Variants in ZNF844 observed in about 807,000 individuals in gnomAD.
The protein encoded by ZNF844 is zinc finger protein 844.
A neutral mutation model predicts 11.4 loss-of-function variants in ZNF844; 11 were observed. The observed-to-expected ratio is 0.97, with a 90% CI of 0.61 to 1.60. ZNF844 has a LOEUF of 1.60. Among genes scored for constraint, ZNF844 ranks in the 40% most tolerant of loss-of-function variants. The pLI is 0.00. For synonymous variants in ZNF844, 248 were observed against 260.3 expected (o/e 0.95, Z 0.46); for missense variants, 790 against 796.8 (o/e 0.99, Z 0.10).
chr19:12,074,241 A>G, intron 2 of ZNF844, 84 bp downstream of exon 2: 2 of 1,577,910 alleles, frequency 1.3e-6, no homozygotes, highest in Non-Finnish European at 1.7e-6. Context: ...TGGAATATGG[A>G]CAGGCAATAC....
chr19:12,071,696 G>GT (rs562646552), intron 1 of ZNF844, among the ~76,000 whole-genome samples: 32,879 of 136,012 alleles, frequency 0.24, 5,211 homozygotes, highest in African/African-American at 0.48. Context: ...AATCAATTAG[G>GT]TTTTTTTTTT....
At chr19:12,068,143 A>T (rs1035855354) in intron 1 of ZNF844, among the ~76,000 whole-genome samples, 1 of 151,834 alleles carries the variant, frequency 6.6e-6, no homozygotes, top group African/African-American at 2.4e-5. Flanking sequence ...ACCTCATCTT[A>T]ACAAACTGCT....
Position 12,077,996 on chromosome 19 carries a change from T to C in ZNF844, c.*875T>C. 1 of 170,594 alleles carries C rather than the reference T, an allele frequency of 5.9e-6. No homozygotes were observed. The highest frequency in any genetic ancestry group is 1.2e-5 in the Non-Finnish European group (1 of 80,128). The allele number at this position is 170,594 out of a possible 1,614,324, so 10.6% of individuals were successfully genotyped here. A position where few individuals can be genotyped will look rare whatever the true frequency, so the allele number is the denominator to read the frequency against. On this transcript the variant is annotated 3_prime_UTR_variant, in exon 4 of 4. Coordinates refer to ENST00000439326, the MANE Select transcript of ZNF844 (RefSeq NM_001136501.3). Reference sequence around the variant, plus strand: ...GGTGCCTGCCACCACACCCGGCTGATTTTTTGTATTTTTTAGTAGAGACGG... The same window carrying C: ...GGTGCCTGCCACCACACCCGGCTGACTTTTTGTATTTTTTAGTAGAGACGG...
At position 12,075,894 on chromosome 19, in the gene ZNF844, TG is replaced by T. The variant is rs768358336; in HGVS notation, c.777del (p.Ala261HisfsTer69). ...AGAAGCCTTATGAATGTAAGGAATG[TG>T]GGAAAGCATTCGGTAGTCCCAATTC... ...GEKPYECKEC[G>X]KAFGSPNSLY... On this transcript the variant is annotated frameshift_variant, in exon 4 of 4. Coordinates refer to ENST00000439326, the MANE Select transcript of ZNF844 (RefSeq NM_001136501.3). LOFTEE classifies it low-confidence loss of function (END_TRUNC). 3.9e-5 allele frequency: 63 copies of T among 1,609,152 alleles called. No homozygotes were observed. Among genetic ancestry groups the T allele is most frequent in the Non-Finnish European group, 5.1e-5 (60 of 1,177,344 alleles).
In ZNF844 at chr19:12,077,386, G is replaced by GT. The variant is rs1228479070; in HGVS notation, c.*266dup. The GT allele has an allele frequency of 5.3e-6, 4 of 750,728 alleles. No homozygotes were observed. The highest frequency in any genetic ancestry group is 9.5e-6 in the Non-Finnish European group (4 of 419,664). 46.5% of individuals were successfully genotyped at this position (750,728 alleles called of 1,614,324 possible). Reference sequence around the variant, plus strand: ...CACACTGGAGAGAAACAGTATGAGTGTAAGCAGTGTGGTAAAGCCTTCATG... The same window carrying GT: ...CACACTGGAGAGAAACAGTATGAGTGTTAAGCAGTGTGGTAAAGCCTTCATG... On this transcript the variant is annotated 3_prime_UTR_variant, in exon 4 of 4. Transcript: ENST00000439326.
At position 12,079,988 on chromosome 19, in the gene ZNF844, C is replaced by T. The variant is rs1431159410; in HGVS notation, c.*2867C>T. 6.5e-6 allele frequency: 1 copy of T among 153,076 alleles called. No homozygotes were observed. Among genetic ancestry groups the T allele is most frequent in the African/African-American group, 2.4e-5 (1 of 41,270 alleles). The allele number at this position is 153,076 out of a possible 1,614,324, so 9.5% of individuals were successfully genotyped here. The stretch of plus-strand genomic sequence containing the variant: ...AAAATTGAGGAAGCATTCAGTTGTC[C>T]CACTTCCTTTCAAACAGGAAGAGAC... On this transcript the variant is annotated 3_prime_UTR_variant, in exon 4 of 4. Transcript: ENST00000439326.
At chr19:12,071,115 T>C (rs1158429955) in intron 1 of ZNF844, among the ~76,000 whole-genome samples, 1 of 152,148 alleles carries the variant, frequency 6.6e-6, no homozygotes, top group Non-Finnish European at 1.5e-5. Flanking sequence ...GGGCTGATGA[T>C]AAATCCTTAA....
rs757792392 is a variant in ZNF844, at chr19:12,077,114, TG to T, written c.1996del (p.Glu666SerfsTer5). ...VPFVDIKGLT[L>X]E ...TTCGTAGACATAAAAGGGCTCACACTGGAGTGAAACCGTATGAATGCAAGGA... is the reference window on the plus strand; with the variant it reads ...TTCGTAGACATAAAAGGGCTCACACTGAGTGAAACCGTATGAATGCAAGGA... On this transcript the variant is annotated frameshift_variant, in exon 4 of 4. Transcript: ENST00000439326. LOFTEE classifies it high-confidence loss of function. 1.4e-5 allele frequency: 23 copies of T among 1,599,076 alleles called. No homozygotes were observed. The East Asian group carries it at 3.8e-4, about 27-fold the overall frequency.
In ZNF844 at chr19:12,076,071, A is replaced by G; in HGVS notation, c.951A>G (p.Ala317=). ...ATGAATGTACCAAATGTGGGAAAGC[A>G]TTCAAGTGTCCCAGTTATCTTTGTA... is the stretch of plus-strand genomic sequence containing the variant. ...KAYECTKCGK[A]FKCPSYLCRH... The change falls in exon 4 of 4, where the codon GCA becomes GCG. Residue 317 remains alanine, a synonymous_variant. Transcript: ENST00000439326. The G allele has an allele frequency of 6.4e-7, 1 of 1,563,478 alleles. No homozygotes were observed.
At chr19:12,067,151 G>A (rs1341803323) in intron 1 of ZNF844, among the ~76,000 whole-genome samples, 1 of 152,058 alleles carries the variant, frequency 6.6e-6, no homozygotes, top group East Asian at 1.9e-4. Context: ...AGTGAGCTGA[G>A]ATCGCGCCAC....
At position 12,075,039 on chromosome 19, in the gene ZNF844, C is replaced by G. The variant is rs1292820971; in HGVS notation, c.192-273C>G. Among the ~76,000 whole-genome samples the G allele has an allele frequency of 2.0e-5, 3 of 152,046 alleles. 1 individual carries two copies. The highest frequency in any genetic ancestry group is 4.1e-4 in the South Asian group (2 of 4,824). ...AGACAGGGTAGAAAGCCTACACTTTCCTGGATAATGTTGAAAGTGCAAGTT... is the reference window on the plus strand; with the variant it reads ...AGACAGGGTAGAAAGCCTACACTTTGCTGGATAATGTTGAAAGTGCAAGTT... On this transcript the variant is annotated intron_variant, in intron 3 of 3. Transcript: ENST00000439326.
chr19:12,069,784 G>A (rs1488256369), intron 1 of ZNF844, among the ~76,000 whole-genome samples: 8 of 151,312 alleles, frequency 5.3e-5, no homozygotes, highest in Admixed American at 1.3e-4. Context: ...GTGAAACCCC[G>A]TCTCTACTAA....
At chr19:12,075,201 A>G in intron 3 of ZNF844, 111 bp from the exon 4 acceptor site, 2 of 785,420 alleles carry the variant, frequency 2.5e-6, no homozygotes, top group Non-Finnish European at 3.3e-6. Flanking sequence ...CTTAAAGTAT[A>G]TTAATAATAA....
intron 1 of ZNF844, among the ~76,000 whole-genome samples, chr19:12,069,053 C>A (rs1399610115): frequency 1.3e-5 from 2 of 152,178 alleles, no homozygotes; most frequent in Admixed American, 6.6e-5. Flanking sequence ...TGAGGATCCA[C>A]AGGCAGATGC....
In ZNF844 at chr19:12,077,868, A is replaced by T. The variant is rs1470101089; in HGVS notation, c.*747A>T. Reference sequence around the variant, plus strand: ...TTTTGAGACAGAGTCTCGCTCTGTCACCCAGGCTGGAGTGCAGTGGCGTGA... The same window carrying T: ...TTTTGAGACAGAGTCTCGCTCTGTCTCCCAGGCTGGAGTGCAGTGGCGTGA... On this transcript the variant is annotated 3_prime_UTR_variant, in exon 4 of 4. Coordinates refer to ENST00000439326, the MANE Select transcript of ZNF844 (RefSeq NM_001136501.3). The T allele has an allele frequency of 3.6e-6, 1 of 275,062 alleles. No individual in the cohort carries two copies. Among genetic ancestry groups the T allele is most frequent in the Non-Finnish European group, 7.0e-6 (1 of 142,214 alleles). The allele number at this position is 275,062 out of a possible 1,614,324, so 17.0% of individuals were successfully genotyped here. A position where few individuals can be genotyped will look rare whatever the true frequency, so the allele number is the denominator to read the frequency against.
At chr19:12,071,798 A>T (rs2145544884) in intron 1 of ZNF844, among the ~76,000 whole-genome samples, 1 of 152,036 alleles carries the variant, frequency 6.6e-6, no homozygotes. Context: ...TAGTTTGTCA[A>T]ATCTATATAA....
intron 1 of ZNF844, among the ~76,000 whole-genome samples, chr19:12,072,678 G>A (rs1975764346): frequency 1.3e-5 from 2 of 151,996 alleles, no homozygotes; most frequent in Non-Finnish European, 1.5e-5. Context: ...CCGCCTCCCA[G>A]CTTCAAGCAA....
At chr19:12,068,058 C>CCAAGGTG (rs995106468) in intron 1 of ZNF844, among the ~76,000 whole-genome samples, 11 of 152,116 alleles carry the variant, frequency 7.2e-5, no homozygotes, top group Admixed American at 6.5e-4. Flanking sequence ...CTTTAGGAGG[C>CCAAGGTG]CAAGGTGGGT....
At chr19:12,069,970 A>G (rs1385235143) in intron 1 of ZNF844, among the ~76,000 whole-genome samples, 1 of 150,834 alleles carries the variant, frequency 6.6e-6, no homozygotes, top group Non-Finnish European at 1.5e-5. Flanking sequence ...AAAAAAAAAA[A>G]AAGAGGCCGG....
Sources: allele counts gnomAD v4.1 joint callset (sites outside exome capture counted in the v4.1 genomes callset), GRCh38; gene constraint gnomAD v4.1.1; transcripts MANE v1.5; gene names NCBI Gene and HGNC (gene_info 2026-07-23, HGNC 2026-07-21).